Variants in EPHA7 observed in about 807,000 individuals in gnomAD.
EPHA7 encodes the protein EPH receptor A7, also known as ephrin type-A receptor 7.
In EPHA7, 25 loss-of-function variants were observed where a neutral mutation model predicts 112.6. The observed-to-expected ratio is 0.22, with a 90% CI of 0.16 to 0.31. EPHA7 has a LOEUF of 0.31. EPHA7 is among the 10% of genes least tolerant of loss of function. EPHA7 has a pLI of 1.00. For synonymous variants in EPHA7, 437 were observed against 406.5 expected (o/e 1.07, Z -0.90); for missense variants, 962 against 1,212.6 (o/e 0.79, Z 3.07).
intron 1 of EPHA7, among the ~76,000 whole-genome samples, chr6:93,416,274 G>A (rs575554): frequency 0.57 from 87,161 of 152,044 alleles, 26,688 homozygotes; most frequent in African/African-American, 0.79. Context: ...ATGAAGCACA[G>A]GGAAACAAGG....
intron 5 of EPHA7, among the ~76,000 whole-genome samples, chr6:93,312,832 T>A (rs1310016490): frequency 6.6e-6 from 1 of 152,086 alleles, no homozygotes; most frequent in Non-Finnish European, 1.5e-5. Context: ...CACTTTAGAG[T>A]TATTAAATGG....
chr6:93,321,157 A>G (rs1269466399), intron 5 of EPHA7, among the ~76,000 whole-genome samples: 1 of 151,872 alleles, frequency 6.6e-6, no homozygotes, highest in Non-Finnish European at 1.5e-5. Flanking sequence ...AAATCATTAG[A>G]ATTACCTGCA....
At chr6:93,405,805 G>A (rs868223188) in intron 3 of EPHA7, among the ~76,000 whole-genome samples, 2,759 of 61,586 alleles carry the variant, frequency 0.045, 48 homozygotes, top group East Asian at 0.09. Context: ...GTGTGTGTGT[G>A]TGTGTGTGTA....
At chr6:93,245,657 A>C (rs2127845802) in intron 15 of EPHA7, among the ~76,000 whole-genome samples, 1 of 152,332 alleles carries the variant, frequency 6.6e-6, no homozygotes, top group African/African-American at 2.4e-5. Context: ...CATTTTATTT[A>C]GATATGATGA....
chr6:93,255,273 G>A (rs530764438), intron 13 of EPHA7, among the ~76,000 whole-genome samples: 9 of 152,074 alleles, frequency 5.9e-5, no homozygotes, highest in South Asian at 2.1e-4. Flanking sequence ...GCTTGAACCC[G>A]GGAGGCGGAA....
intron 3 of EPHA7, among the ~76,000 whole-genome samples, chr6:93,408,302 A>G (rs1316331731): frequency 6.6e-6 from 1 of 152,060 alleles, no homozygotes; most frequent in African/African-American, 2.4e-5. Context: ...AATTTTTTGT[A>G]ACAGTTACTG....
intron 14 of EPHA7, among the ~76,000 whole-genome samples, chr6:93,247,209 C>T (rs1769993764): frequency 6.6e-6 from 1 of 152,084 alleles, no homozygotes; most frequent in Non-Finnish European, 1.5e-5. Context: ...CAATAGGGAA[C>T]AGCAATTAAG....
chr6:93,343,455 C>T (rs996220522), intron 5 of EPHA7, among the ~76,000 whole-genome samples: 1 of 151,584 alleles, frequency 6.6e-6, no homozygotes, highest in Non-Finnish European at 1.5e-5. Context: ...GTTTGAAGTG[C>T]TATAAATTTA....
At chr6:93,325,837 AC>A (rs1259400529) in intron 5 of EPHA7, among the ~76,000 whole-genome samples, 1 of 151,392 alleles carries the variant, frequency 6.6e-6, no homozygotes, top group East Asian at 1.9e-4. Context: ...AATAAAGAAA[AC>A]TTGCTTAATT....
chr6:93,387,577 A>T (rs914317606), intron 3 of EPHA7, among the ~76,000 whole-genome samples: 2 of 152,148 alleles, frequency 1.3e-5, no homozygotes, highest in African/African-American at 4.8e-5. Context: ...TCACACTGCT[A>T]TGAAGAAATA....
chr6:93,296,661 A>G lies in EPHA7; in HGVS notation c.1325-24239T>C, dbSNP rs116467967. 1.3e-3 allele frequency among the ~76,000 whole-genome samples: 198 copies of G among 151,774 alleles called. 3 individuals are homozygous for G. The highest frequency in any genetic ancestry group is 4.6e-3 in the African/African-American group (191 of 41,452). ...AAGAAAAAGTCAAATAAACAGAGAT[A>G]GAGAATAAAATAATGGTTACCAGGG... is the stretch of plus-strand genomic sequence containing the variant. On this transcript the variant is annotated intron_variant, in intron 5 of 16. Coordinates refer to ENST00000369303, the MANE Select transcript of EPHA7 (RefSeq NM_004440.4).
At chr6:93,302,172 G>A (rs1487445262) in intron 5 of EPHA7, among the ~76,000 whole-genome samples, 1 of 152,058 alleles carries the variant, frequency 6.6e-6, no homozygotes, top group Non-Finnish European at 1.5e-5. Flanking sequence ...TAATGCTTAT[G>A]TCAACTGATT....
At chr6:93,374,445 T>TTA (rs1486874951) in intron 3 of EPHA7, among the ~76,000 whole-genome samples, 25 of 152,352 alleles carry the variant, frequency 1.6e-4, no homozygotes, top group African/African-American at 6.0e-4. Context: ...AATGTAGAAG[T>TTA]GTCAAATATA....
chr6:93,270,060 G>C (rs1284525366), intron 6 of EPHA7, among the ~76,000 whole-genome samples: 1 of 151,400 alleles, frequency 6.6e-6, no homozygotes, highest in Non-Finnish European at 1.5e-5. Flanking sequence ...TATTCAGCAA[G>C]AAAAAAAGCC....
intron 3 of EPHA7, among the ~76,000 whole-genome samples, chr6:93,383,193 G>GTA (rs971992033): frequency 3.3e-5 from 5 of 151,514 alleles, no homozygotes; most frequent in African/African-American, 4.9e-5. Flanking sequence ...GTGTGTGTGT[G>GTA]TGTATATATA....
chr6:93,260,108 T>C (rs1318445478), intron 9 of EPHA7, among the ~76,000 whole-genome samples: 2 of 151,920 alleles, frequency 1.3e-5, no homozygotes, highest in East Asian at 3.9e-4. Context: ...AGGCCAGATA[T>C]ACAAAATGCA....
chr6:93,307,266 A>G (rs780405531), intron 5 of EPHA7, among the ~76,000 whole-genome samples: 2 of 152,056 alleles, frequency 1.3e-5, no homozygotes, highest in African/African-American at 2.4e-5. Context: ...ATGATAGCAA[A>G]CATAAATACA....
At chr6:93,282,820 G>A (rs1771824321) in intron 5 of EPHA7, among the ~76,000 whole-genome samples, 1 of 152,168 alleles carries the variant, frequency 6.6e-6, no homozygotes, top group Admixed American at 6.5e-5. Context: ...TTCTCCCCCG[G>A]CCTTAGCTGC....
At position 93,276,350 on chromosome 6, in the gene EPHA7, C is replaced by A. The variant is rs141719522; in HGVS notation, c.1325-3928G>T. On this transcript the variant is annotated intron_variant, in intron 5 of 16. Transcript: ENST00000369303. ...TACAAGGGCAGCTTTTAGGATCAGA[C>A]TGGCCCTGATTGACCAGTACAGAAA... Among the ~76,000 whole-genome samples, 611 of 152,148 alleles carry A rather than the reference C, an allele frequency of 4.0e-3. 4 individuals carry two copies. The highest frequency in any genetic ancestry group is 0.01 in the Middle Eastern group (3 of 294).
Sources: allele counts gnomAD v4.1 joint callset (sites outside exome capture counted in the v4.1 genomes callset), GRCh38; gene constraint gnomAD v4.1.1; transcripts MANE v1.5; gene names NCBI Gene and HGNC (gene_info 2026-07-23, HGNC 2026-07-21).